Variants in TOX observed in about 807,000 individuals in gnomAD.
TOX encodes the protein thymocyte selection-associated high mobility group box protein TOX.
Under a neutral mutation model 53.7 loss-of-function variants are expected in TOX, and 11 were observed. The ratio of observed to expected loss-of-function variants is 0.20; its 90% CI spans 0.13 to 0.34. The LOEUF (loss-of-function observed/expected upper bound fraction) is 0.34, where lower values mean the gene tolerates loss of function less well. TOX is among the 10% of genes least tolerant of loss of function. The pLI, the probability that TOX is intolerant of heterozygous loss-of-function variation, is 1.00. For missense variants in TOX, 570 were observed against 664.6 expected, an observed-to-expected ratio of 0.86 and a Z score of 1.56; for synonymous variants, 225 against 245.3, an observed-to-expected ratio of 0.92 and a Z score of 0.77.
chr8:59,118,954 G>T lies in TOX; in HGVS notation c.34C>A (p.Pro12Thr). ...CAGGGAGCGTCGGGCGCAGCGGCGG[G>T]CTGGGCTGGAGGTGGATAAAATCTT... ...DVRFYPPPAQ[P>T]AAAPDAPCLG... is the part of the protein sequence containing the mutation. Residue 12 changes from proline to threonine, a missense_variant, in exon 1 of 9, where the codon CCC becomes ACC. Coordinates refer to ENST00000361421, the MANE Select transcript of TOX (RefSeq NM_014729.3). This position sits in a 1 kb window ranked among gnomAD's most constrained non-coding sequence, Gnocchi z 4.1. 1.2e-6 allele frequency: 2 copies of T among 1,603,116 alleles called. No homozygotes were observed. The highest frequency in any genetic ancestry group is 2.2e-5 in the South Asian group (2 of 90,582).
At chr8:58,875,475 C>T (rs1811267617) in intron 3 of TOX, among the ~76,000 whole-genome samples, 1 of 152,004 alleles carries the variant, frequency 6.6e-6, no homozygotes, top group African/African-American at 2.4e-5. Context: ...TTTCTGAATT[C>T]AGGGATTTTT....
At chr8:58,830,482 C>T (rs904298009) in intron 5 of TOX, among the ~76,000 whole-genome samples, 1 of 152,132 alleles carries the variant, frequency 6.6e-6, no homozygotes, top group Non-Finnish European at 1.5e-5. Flanking sequence ...TTTTCATACG[C>T]TTATAATCCC....
intron 6 of TOX, among the ~76,000 whole-genome samples, chr8:58,816,680 G>A (rs867531434): frequency 1.3e-5 from 2 of 152,158 alleles, no homozygotes; most frequent in Non-Finnish European, 2.9e-5. Flanking sequence ...TCTTGAGGAC[G>A]CATATATGCT....
intron 1 of TOX, among the ~76,000 whole-genome samples, chr8:59,093,035 C>G (rs1422824253): frequency 1.3e-5 from 2 of 152,126 alleles, no homozygotes; most frequent in Non-Finnish European, 2.9e-5. Flanking sequence ...TGAGTATTGT[C>G]GGGAAGTGGA....
At chr8:59,066,771 C>T (rs1306464282) in intron 1 of TOX, among the ~76,000 whole-genome samples, 1 of 152,214 alleles carries the variant, frequency 6.6e-6, no homozygotes, top group Non-Finnish European at 1.5e-5. Context: ...AACGAAAGTT[C>T]TCCCCAAGAG....
chr8:58,915,722 GAGA>G (rs1395061177), intron 3 of TOX, among the ~76,000 whole-genome samples: 2 of 151,964 alleles, frequency 1.3e-5, no homozygotes, highest in African/African-American at 4.8e-5. Flanking sequence ...CACGAGCTGA[GAGA>G]AGAAGGCTTC....
intron 1 of TOX, among the ~76,000 whole-genome samples, chr8:59,059,384 T>C (rs1803939304): frequency 6.6e-6 from 1 of 152,110 alleles, no homozygotes; most frequent in African/African-American, 2.4e-5. Flanking sequence ...AATAATTTAA[T>C]TGGAAGGTAA....
intron 1 of TOX, among the ~76,000 whole-genome samples, chr8:58,964,333 T>C (rs1161315840): frequency 2.0e-4 from 31 of 152,182 alleles, no homozygotes; most frequent in Admixed American, 1.7e-3. Flanking sequence ...GTCATTCCCA[T>C]TGAGGTTGAA....
intron 1 of TOX, among the ~76,000 whole-genome samples, chr8:59,034,065 C>A (rs979276671): frequency 1.3e-5 from 2 of 152,210 alleles, no homozygotes; most frequent in Admixed American, 1.3e-4. Flanking sequence ...CAGGTATCCT[C>A]CCCAACGAGT....
chr8:58,974,765 TGTTA>T (rs1357965588), intron 1 of TOX, among the ~76,000 whole-genome samples: 2 of 152,296 alleles, frequency 1.3e-5, no homozygotes, highest in East Asian at 1.9e-4. Context: ...ATTACCGATT[TGTTA>T]GTTAGGATTC....
At chr8:58,952,643 C>G (rs1812639533) in intron 2 of TOX, among the ~76,000 whole-genome samples, 1 of 152,172 alleles carries the variant, frequency 6.6e-6, no homozygotes, top group South Asian at 2.1e-4. Flanking sequence ...TTGAATAAAC[C>G]ATGCTCCATA....
intron 3 of TOX, among the ~76,000 whole-genome samples, chr8:58,918,943 C>T (rs1441134510): frequency 1.3e-5 from 2 of 151,904 alleles, no homozygotes. Context: ...CATAAGTGAA[C>T]TCCCATTCAC....
intron 1 of TOX, among the ~76,000 whole-genome samples, chr8:58,987,183 G>A (rs754426121): frequency 7.9e-5 from 12 of 152,136 alleles, no homozygotes; most frequent in Non-Finnish European, 1.6e-4. Flanking sequence ...TTTGCATAAC[G>A]ACACGATTTT....
intron 3 of TOX, among the ~76,000 whole-genome samples, chr8:58,931,404 G>A (rs1812251485): frequency 6.6e-6 from 1 of 152,060 alleles, no homozygotes; most frequent in Non-Finnish European, 1.5e-5. Flanking sequence ...AGGAATTGGG[G>A]TTATTTGGGC....
intron 1 of TOX, among the ~76,000 whole-genome samples, chr8:59,037,738 G>T (rs186972074): frequency 2.0e-5 from 3 of 147,944 alleles, no homozygotes; most frequent in South Asian, 2.2e-4. Flanking sequence ...GGAGGCGGAG[G>T]TTGCAGTGAG....
chr8:58,984,205 A>G lies in TOX; in HGVS notation c.103-24197T>C, dbSNP rs930612172. ...ATTAAAACTTTATATGCATTAAAGG[A>G]CACAACAGAATGAAAGGGCAACCCA... On this transcript the variant is annotated intron_variant, in intron 1 of 8. Transcript: ENST00000361421. Among the ~76,000 whole-genome samples, 15 of 152,226 alleles carry G rather than the reference A, an allele frequency of 9.9e-5. 1 individual carries two copies. Among genetic ancestry groups the G allele is most frequent in the African/African-American group, 3.1e-4 (13 of 41,462 alleles).
At chr8:58,884,248 T>C (rs539974294) in intron 3 of TOX, among the ~76,000 whole-genome samples, 127 of 152,290 alleles carry the variant, frequency 8.3e-4, no homozygotes, top group Non-Finnish European at 1.5e-3. Context: ...ATCCCTGGCA[T>C]TGATAAAGGG....
At chr8:58,997,101 T>A (rs530884420) in intron 1 of TOX, among the ~76,000 whole-genome samples, 1 of 152,294 alleles carries the variant, frequency 6.6e-6, no homozygotes, top group African/African-American at 2.4e-5. Flanking sequence ...TTACAAAAAA[T>A]ACCAAGGTAA....
intron 1 of TOX, among the ~76,000 whole-genome samples, chr8:59,051,959 C>G (rs535850796): frequency 6.6e-6 from 1 of 152,060 alleles, no homozygotes; most frequent in African/African-American, 2.4e-5. Context: ...TGTGTTTGCC[C>G]GAAGTTTTGA....
Sources: allele counts gnomAD v4.1 joint callset (sites outside exome capture counted in the v4.1 genomes callset), GRCh38; gene constraint gnomAD v4.1.1; non-coding constraint Gnocchi (gnomAD v3.1); transcripts MANE v1.5; gene names NCBI Gene and HGNC (gene_info 2026-07-23, HGNC 2026-07-21).